The following ASIC2 variants were observed in gnomAD, a reference collection of about 807,000 sequenced individuals.
ASIC2 encodes the protein acid-sensing ion channel 2.
ASIC2 carries 25 observed loss-of-function variants against 57.3 expected under a neutral mutation model. The ratio of observed to expected loss-of-function variants is 0.44; its 90% confidence interval spans 0.32 to 0.61. The LOEUF (loss-of-function observed/expected upper bound fraction) is 0.61. Ranked by LOEUF, ASIC2 falls within the 20% of genes least tolerant of loss-of-function variation. The probability of loss-of-function intolerance (pLI) is 0.06; values close to 1 mark genes in which losing one functional copy is unlikely to be tolerated. For synonymous variants in ASIC2, 319 were observed against 307.5 expected (o/e 1.04, Z -0.39); for missense variants, 641 against 738.1 (o/e 0.87, Z 1.52).
chr17:33,348,108 A>C (rs1291985134), intron 1 of ASIC2, among the ~76,000 whole-genome samples: 2 of 152,212 alleles, frequency 1.3e-5, no homozygotes, highest in Non-Finnish European at 2.9e-5. Flanking sequence ...TCAAACAAAC[A>C]AACAAACAAA....
At chr17:33,184,205 T>G (rs1906097249) in intron 1 of ASIC2, among the ~76,000 whole-genome samples, 1 of 152,116 alleles carries the variant, frequency 6.6e-6, no homozygotes, top group Non-Finnish European at 1.5e-5. Context: ...TGGTATAGTA[T>G]AAAAGCAGAA....
chr17:34,000,068 T>C (rs1906286396), intron 1 of ASIC2, among the ~76,000 whole-genome samples: 1 of 151,728 alleles, frequency 6.6e-6, no homozygotes, highest in Non-Finnish European at 1.5e-5. Flanking sequence ...TTTTTTTTCT[T>C]TCAGTCCTTT....
chr17:33,572,662 C>A (rs992225593), intron 1 of ASIC2, among the ~76,000 whole-genome samples: 1 of 152,202 alleles, frequency 6.6e-6, no homozygotes, highest in African/African-American at 2.4e-5. Flanking sequence ...CAGATCAAAT[C>A]TTATGACACC....
chr17:33,842,128 G>C (rs73288610), intron 1 of ASIC2, among the ~76,000 whole-genome samples: 3,045 of 152,244 alleles, frequency 0.02, 89 homozygotes, highest in African/African-American at 0.069. Context: ...CAGCAGGCTG[G>C]GCAAGAAAAC....
chr17:33,765,867 G>A (rs971299957), intron 1 of ASIC2, among the ~76,000 whole-genome samples: 16 of 152,180 alleles, frequency 1.1e-4, no homozygotes, highest in East Asian at 3.9e-4. Flanking sequence ...CCGCTGTACC[G>A]CACAGCCCCA....
chr17:33,740,028 G>GA (rs896167952), intron 1 of ASIC2, among the ~76,000 whole-genome samples: 6 of 151,346 alleles, frequency 4.0e-5, no homozygotes, highest in Non-Finnish European at 8.8e-5. Context: ...GAGAAAGAAA[G>GA]AAAAAAAAGA....
At chr17:33,523,922 T>C (rs1914815593) in intron 1 of ASIC2, among the ~76,000 whole-genome samples, 1 of 152,192 alleles carries the variant, frequency 6.6e-6, no homozygotes, top group African/African-American at 2.4e-5. Context: ...ATCCATAGCA[T>C]AGCCTCAGGA....
rs1027120642 is a variant in ASIC2, at chr17:33,107,480, A to G, written c.859+4437T>C. ...AAACATGTTATATCCCAAACTCCTG[A>G]TGTTCCATAGGGCTCGTTTTGGGGC... On this transcript the variant is annotated intron_variant, in intron 2 of 9. Transcript: ENST00000225823. 2.6e-5 allele frequency among the ~76,000 whole-genome samples: 4 copies of G among 152,120 alleles called. No homozygotes were observed. In the South Asian group the frequency reaches 8.3e-4, roughly 32 times the overall value.
At chr17:33,206,827 G>A (rs1190054285) in intron 1 of ASIC2, among the ~76,000 whole-genome samples, 2 of 152,146 alleles carry the variant, frequency 1.3e-5, no homozygotes, top group Non-Finnish European at 1.5e-5. Flanking sequence ...AAGATCAGCA[G>A]GCTGGTTTGC....
At chr17:33,467,685 T>C (rs566872219) in intron 1 of ASIC2, among the ~76,000 whole-genome samples, 1 of 152,338 alleles carries the variant, frequency 6.6e-6, no homozygotes, top group East Asian at 1.9e-4. Context: ...TGATTCTAAG[T>C]CTTTAGAGAA....
intron 1 of ASIC2, among the ~76,000 whole-genome samples, chr17:34,095,668 T>G (rs1318518749): frequency 4.0e-5 from 4 of 98,880 alleles, no homozygotes; most frequent in South Asian, 2.7e-4. Context: ...TTTATATATA[T>G]ATAGAGAGAG....
chr17:34,133,998 A>G (rs903209885), intron 1 of ASIC2, among the ~76,000 whole-genome samples: 5 of 152,182 alleles, frequency 3.3e-5, no homozygotes, highest in Non-Finnish European at 7.3e-5. Flanking sequence ...TCCAAGACTG[A>G]AAAACCCTGA....
At chr17:33,869,536 C>G (rs954091754) in intron 1 of ASIC2, among the ~76,000 whole-genome samples, 1 of 152,160 alleles carries the variant, frequency 6.6e-6, no homozygotes, top group African/African-American at 2.4e-5. Context: ...GGTATACCTA[C>G]ATGGTGGAAT....
At position 33,464,964 on chromosome 17, in the gene ASIC2, C is replaced by A. The variant is rs1360013301; in HGVS notation, c.556-352897G>T. 2.0e-5 allele frequency among the ~76,000 whole-genome samples: 3 copies of A among 152,008 alleles called. No individual in the cohort carries two copies. In the East Asian group the frequency reaches 5.8e-4, roughly 29 times the overall value. On this transcript the variant is annotated intron_variant, in intron 1 of 9. Coordinates refer to the ASIC2 transcript ENST00000359872. ...ATTTTCCCTTTAAATGTTTTGTTTGCCTTCAAGTCCATTTGAATACAAAAA... is the reference window on the plus strand; with the variant it reads ...ATTTTCCCTTTAAATGTTTTGTTTGACTTCAAGTCCATTTGAATACAAAAA...
chr17:33,532,491 G>A (rs1915082619), intron 1 of ASIC2, among the ~76,000 whole-genome samples: 1 of 152,190 alleles, frequency 6.6e-6, no homozygotes, highest in Non-Finnish European at 1.5e-5. Context: ...AGATCTGGGA[G>A]GTGAAATCCA....
chr17:33,982,566 C>T (rs1293263382), intron 1 of ASIC2, among the ~76,000 whole-genome samples: 1 of 152,192 alleles, frequency 6.6e-6, no homozygotes, highest in Non-Finnish European at 1.5e-5. Flanking sequence ...TCTTCTCTAG[C>T]TCCTCCCAAG....
chr17:33,053,244 G>A (rs1470125503), intron 3 of ASIC2, among the ~76,000 whole-genome samples: 1 of 152,142 alleles, frequency 6.6e-6, no homozygotes, highest in African/African-American at 2.4e-5. Flanking sequence ...CCAGGCGGCC[G>A]TCTGTTCTGA....
chr17:33,028,621 A>C lies in ASIC2; in HGVS notation c.988-229T>G, dbSNP rs557721506. Among the ~76,000 whole-genome samples the C allele has an allele frequency of 7.7e-4, 117 of 152,306 alleles. 2 individuals carry two copies. In the South Asian group the frequency reaches 0.023, roughly 31 times the overall value. On this transcript the variant is annotated intron_variant, in intron 3 of 9. Transcript: ENST00000225823. ...AGGCTGGTTTTGAACTCCTGGCTCA[A>C]GCGATCCTCCTGTCTCGGCCTCTCT...
chr17:34,024,244 C>T (rs868467456), intron 1 of ASIC2, among the ~76,000 whole-genome samples: 3 of 152,330 alleles, frequency 2.0e-5, no homozygotes, highest in South Asian at 2.1e-4. Context: ...CAAGACTCCC[C>T]TTACAGAAAC....
Sources: gnomAD v4.1 joint callset for allele counts (sites outside exome capture counted in the v4.1 genomes callset) on GRCh38, gnomAD v4.1.1 for gene constraint, MANE v1.5 for transcripts, NCBI Gene and HGNC (gene_info 2026-07-23, HGNC 2026-07-21) for gene names.